Variants in PTPN3 observed in about 807,000 individuals in gnomAD.
PTPN3 encodes the protein tyrosine-protein phosphatase non-receptor type 3.
In PTPN3, 96 loss-of-function variants were observed where a neutral mutation model predicts 132.7. That is an observed-to-expected ratio of 0.72 (90% CI 0.61 to 0.86). The LOEUF is 0.86. Among genes scored for constraint, PTPN3 ranks in the 40% least tolerant of loss-of-function variants. The pLI, the probability that PTPN3 is intolerant of heterozygous loss-of-function variation, is 0.00. For synonymous variants in PTPN3, 398 were observed against 429.0 expected, an observed-to-expected ratio of 0.93 and a Z score of 0.89; for missense variants, 1,125 against 1,159.6, an observed-to-expected ratio of 0.97 and a Z score of 0.43.
intron 1 of PTPN3, among the ~76,000 whole-genome samples, chr9:109,487,876 G>A (rs547878439): frequency 2.0e-5 from 3 of 152,284 alleles, no homozygotes; most frequent in Admixed American, 2.0e-4. Context: ...TGAGACATGG[G>A]TACCAGTTCC....
intron 14 of PTPN3, among the ~76,000 whole-genome samples, chr9:109,418,196 T>G (rs1011251923): frequency 6.6e-6 from 1 of 152,212 alleles, no homozygotes; most frequent in African/African-American, 2.4e-5. Flanking sequence ...AGGCTGATAA[T>G]GTGCTATTTG....
At chr9:109,468,536 T>G (rs370433603) in intron 1 of PTPN3, among the ~76,000 whole-genome samples, 1 of 151,904 alleles carries the variant, frequency 6.6e-6, no homozygotes, top group Admixed American at 6.6e-5. Flanking sequence ...CCGGCTAATT[T>G]TTTGTATTTT....
chr9:109,418,590 G>T (rs1842686628), intron 14 of PTPN3, among the ~76,000 whole-genome samples: 1 of 152,156 alleles, frequency 6.6e-6, no homozygotes, highest in Non-Finnish European at 1.5e-5. Context: ...ATGAACGATG[G>T]AATAAACGTG....
intron 19 of PTPN3, among the ~76,000 whole-genome samples, chr9:109,402,631 A>G (rs190901927): frequency 2.4e-4 from 36 of 152,292 alleles, no homozygotes; most frequent in Admixed American, 2.4e-3. Flanking sequence ...TAGGCCACTG[A>G]AAAAAAGGGC....
In PTPN3 at chr9:109,479,739, C is replaced by T. The variant is rs574689257; in HGVS notation, c.-17-16288G>A. Among the ~76,000 whole-genome samples, 3 of 152,322 alleles carry T rather than the reference C, an allele frequency of 2.0e-5. No homozygotes were observed. In the South Asian group the frequency reaches 6.2e-4, roughly 32 times the overall value. On this transcript the variant is annotated intron_variant, in intron 1 of 25. Transcript: ENST00000374541. ...GGACTACAAGTGTGTGCCACCACGC[C>T]CAGCTAAGCTTTTGTACTTTTGGTA... is the stretch of plus-strand genomic sequence containing the variant.
At chr9:109,448,706 ACT>A in intron 6 of PTPN3, 103 bp downstream of exon 6, 3 of 1,149,248 alleles carry the variant, frequency 2.6e-6, no homozygotes, top group Non-Finnish European at 1.3e-6. Flanking sequence ...TTGCACATCC[ACT>A]CTGTTTAGAT....
At chr9:109,407,494 T>C (rs553254065) in intron 17 of PTPN3, among the ~76,000 whole-genome samples, 1 of 152,090 alleles carries the variant, frequency 6.6e-6, no homozygotes, top group Non-Finnish European at 1.5e-5. Context: ...GTATGCACAA[T>C]AAAAAAATTA....
intron 7 of PTPN3, among the ~76,000 whole-genome samples, chr9:109,440,572 C>A (rs1157764040): frequency 2.6e-5 from 4 of 152,196 alleles, no homozygotes; most frequent in Non-Finnish European, 5.9e-5. Context: ...CGCTGCTGGC[C>A]ATTTGATGGC....
intron 9 of PTPN3, 75 bp downstream of exon 9, chr9:109,436,808 C>T: frequency 1.3e-6 from 2 of 1,522,934 alleles, no homozygotes; most frequent in Non-Finnish European, 8.8e-7. Flanking sequence ...ATAGTTTCAT[C>T]AAAGAATTTT....
chr9:109,450,129 C>A (rs1845153188), intron 5 of PTPN3: 1 of 984,418 alleles, frequency 1.0e-6, no homozygotes, highest in Non-Finnish European at 1.2e-6. Context: ...GGCTAAAAAG[C>A]TTAGGATCCA....
chr9:109,495,321 A>AAGAT (rs1554809585), intron 1 of PTPN3, among the ~76,000 whole-genome samples: 9 of 152,196 alleles, frequency 5.9e-5, no homozygotes, highest in Non-Finnish European at 2.9e-5. Flanking sequence ...CTCCTGGGAA[A>AAGAT]AGATGTAGGG....
intron 1 of PTPN3, among the ~76,000 whole-genome samples, chr9:109,466,502 G>C (rs576785365): frequency 6.6e-6 from 1 of 152,310 alleles, no homozygotes; most frequent in South Asian, 2.1e-4. Context: ...AGAAAAGAAA[G>C]AAGGAATGCA....
At chr9:109,423,635 G>C (rs1843036554) in intron 12 of PTPN3, among the ~76,000 whole-genome samples, 1 of 152,068 alleles carries the variant, frequency 6.6e-6, no homozygotes, top group Non-Finnish European at 1.5e-5. Flanking sequence ...AGAGTTTCAG[G>C]CTACGTTCTT....
chr9:109,470,124 A>G (rs1167838088), intron 1 of PTPN3, among the ~76,000 whole-genome samples: 2 of 152,060 alleles, frequency 1.3e-5, no homozygotes, highest in Non-Finnish European at 2.9e-5. Flanking sequence ...GGAAAAGTAC[A>G]TGTACTATCA....
At chr9:109,456,480 G>T (rs147164841) in intron 4 of PTPN3, among the ~76,000 whole-genome samples, 1 of 152,338 alleles carries the variant, frequency 6.6e-6, no homozygotes, top group Non-Finnish European at 1.5e-5. Context: ...TTCGACAGAG[G>T]GAAGTGGGAG....
chr9:109,416,365 T>A (rs910358853), intron 14 of PTPN3, among the ~76,000 whole-genome samples: 21 of 152,114 alleles, frequency 1.4e-4, no homozygotes, highest in African/African-American at 5.1e-4. Context: ...CTGGGGGAAT[T>A]CCTACACTGC....
chr9:109,452,904 A>G (rs989973985), intron 5 of PTPN3, among the ~76,000 whole-genome samples: 7 of 152,118 alleles, frequency 4.6e-5, no homozygotes, highest in Non-Finnish European at 1.0e-4. Flanking sequence ...AAACCTTGGT[A>G]GGGTCATTTC....
At chr9:109,494,114 C>T (rs1317599302) in intron 1 of PTPN3, among the ~76,000 whole-genome samples, 1 of 152,198 alleles carries the variant, frequency 6.6e-6, no homozygotes, top group East Asian at 1.9e-4. Context: ...TGAGGCCTGG[C>T]CCATGTACAG....
At chr9:109,463,479 C>T (rs772296201) in intron 1 of PTPN3, 28 bp from the exon 2 acceptor site, 2 of 1,582,426 alleles carry the variant, frequency 1.3e-6, no homozygotes, top group Admixed American at 1.8e-5. Flanking sequence ...CCTGTTAGTG[C>T]TTTAATATGC....
Sources: gnomAD v4.1 joint callset for allele counts (sites outside exome capture counted in the v4.1 genomes callset) on GRCh38, gnomAD v4.1.1 for gene constraint, MANE v1.5 for transcripts, NCBI Gene and HGNC (gene_info 2026-07-23, HGNC 2026-07-21) for gene names.